Variants in CDH8 observed in about 807,000 individuals in gnomAD.
CDH8 encodes the protein cadherin 8, also known as cadherin-8.
Under a neutral mutation model 68.1 loss-of-function variants are expected in CDH8, and 17 were observed. That is an observed-to-expected ratio of 0.25 (90% CI 0.17 to 0.37). The LOEUF is 0.37. CDH8 is among the 10% of genes least tolerant of loss of function. CDH8 has a pLI of 1.00. For missense variants in CDH8, 763 were observed against 999.3 expected (o/e 0.76, Z 3.19); for synonymous variants, 372 against 365.1 (o/e 1.02, Z -0.21).
chr16:61,898,647 A>C (rs902428899), intron 3 of CDH8, among the ~76,000 whole-genome samples: 4 of 152,216 alleles, frequency 2.6e-5, no homozygotes, highest in African/African-American at 7.2e-5. Context: ...GATCATCAAT[A>C]ATCCAGTGAG....
chr16:61,802,870 G>A (rs1295147912), intron 7 of CDH8, among the ~76,000 whole-genome samples: 2 of 112,494 alleles, frequency 1.8e-5, no homozygotes, highest in African/African-American at 3.7e-5. Context: ...AGGGAGAATG[G>A]AACCAAGTTG....
chr16:61,877,614 A>G (rs2076407182), intron 3 of CDH8, among the ~76,000 whole-genome samples: 1 of 152,188 alleles, frequency 6.6e-6, no homozygotes, highest in Non-Finnish European at 1.5e-5. Context: ...GACTCTACAC[A>G]TTTATCTCTT....
At chr16:61,782,817 C>G (rs573609830) in intron 8 of CDH8, among the ~76,000 whole-genome samples, 10 of 152,248 alleles carry the variant, frequency 6.6e-5, no homozygotes, top group African/African-American at 9.6e-5. Context: ...AGGCACCCCC[C>G]AGCAGGGGCA....
At position 61,901,522 on chromosome 16, in the gene CDH8, A is replaced by AT. The variant is rs749394061; in HGVS notation, c.253-50dup. ...TAGTGATGGAGCAATCTGAAAAGTT[A>AT]TTTTTTTAACTACCTCCTTTTTGAA... On this transcript the variant is annotated intron_variant, in intron 2 of 11. Coordinates refer to ENST00000577390, the MANE Select transcript of CDH8 (RefSeq NM_001796.5). 3.0e-5 allele frequency: 42 copies of AT among 1,391,632 alleles called. No individual in the cohort carries two copies. The African/African-American group carries it at 5.5e-4, about 18-fold the overall frequency. 86.2% of individuals were successfully genotyped at this position (1,391,632 alleles called of 1,614,324 possible). A position where few individuals can be genotyped will look rare whatever the true frequency, so the allele number is the denominator to read the frequency against.
chr16:61,687,114 T>C (rs1964125040), intron 10 of CDH8, among the ~76,000 whole-genome samples: 1 of 151,998 alleles, frequency 6.6e-6, no homozygotes, highest in Non-Finnish European at 1.5e-5. Flanking sequence ...AATGAACCAT[T>C]GAACAGTATG....
At chr16:61,682,102 A>T (rs1461561854) in intron 10 of CDH8, among the ~76,000 whole-genome samples, 7 of 151,928 alleles carry the variant, frequency 4.6e-5, no homozygotes. Flanking sequence ...ACAAAAAAAG[A>T]TAATATTCAA....
intron 8 of CDH8, among the ~76,000 whole-genome samples, chr16:61,747,989 A>T (rs1596927880): frequency 6.6e-6 from 1 of 152,018 alleles, no homozygotes; most frequent in Non-Finnish European, 1.5e-5. Flanking sequence ...AACCAGTTTG[A>T]TGTAGATTTT....
intron 3 of CDH8, among the ~76,000 whole-genome samples, chr16:61,861,058 A>G (rs1335738151): frequency 6.6e-6 from 1 of 152,218 alleles, no homozygotes; most frequent in African/African-American, 2.4e-5. Flanking sequence ...GTAGGTACCT[A>G]TCACAGAAAT....
At chr16:62,010,955 A>C (rs138368948) in intron 2 of CDH8, among the ~76,000 whole-genome samples, 1 of 151,158 alleles carries the variant, frequency 6.6e-6, no homozygotes, top group African/African-American at 2.4e-5. Context: ...AAAAAAAAAA[A>C]CAAACCCTCT....
At chr16:61,770,189 TG>T (rs766173935) in intron 8 of CDH8, among the ~76,000 whole-genome samples, 2 of 151,952 alleles carry the variant, frequency 1.3e-5, no homozygotes, top group Non-Finnish European at 2.9e-5. Flanking sequence ...AAACAAGAAA[TG>T]TAAGTACACA....
intron 2 of CDH8, among the ~76,000 whole-genome samples, chr16:61,957,564 A>C (rs1452913363): frequency 2.0e-5 from 3 of 152,150 alleles, no homozygotes; most frequent in South Asian, 4.1e-4. Context: ...AGACCAACTA[A>C]AATATATATA....
chr16:61,669,533 T>C (rs565686073), intron 10 of CDH8, among the ~76,000 whole-genome samples: 25 of 152,112 alleles, frequency 1.6e-4, no homozygotes, highest in Non-Finnish European at 3.2e-4. Context: ...AAGGAACAGA[T>C]AGATAGTTCG....
At chr16:61,678,703 T>A (rs544518491) in intron 10 of CDH8, among the ~76,000 whole-genome samples, 1 of 151,978 alleles carries the variant, frequency 6.6e-6, no homozygotes, top group Non-Finnish European at 1.5e-5. Flanking sequence ...GTAACAAAAA[T>A]AGCATGATAC....
intron 2 of CDH8, among the ~76,000 whole-genome samples, chr16:61,999,375 A>G (rs1258880533): frequency 1.3e-5 from 2 of 152,180 alleles, no homozygotes; most frequent in Admixed American, 1.3e-4. Flanking sequence ...AGGAAGATTG[A>G]GATTTAGAGG....
At chr16:61,846,001 A>T (rs1289936723) in intron 4 of CDH8, among the ~76,000 whole-genome samples, 2 of 152,082 alleles carry the variant, frequency 1.3e-5, no homozygotes, top group South Asian at 4.1e-4. Flanking sequence ...ACTCAAAATT[A>T]CTTTTAAATT....
chr16:61,673,560 TG>T (rs1567414651), intron 10 of CDH8, among the ~76,000 whole-genome samples: 1 of 152,192 alleles, frequency 6.6e-6, no homozygotes, highest in Non-Finnish European at 1.5e-5. Context: ...TTGTACTTAA[TG>T]TTTTATTCAA....
At chr16:61,996,993 T>TTGTG (rs5817332) in intron 2 of CDH8, among the ~76,000 whole-genome samples, 90,830 of 150,872 alleles carry the variant, frequency 0.6, 27,657 homozygotes, top group East Asian at 0.76. Flanking sequence ...CCACAGAATA[T>TTGTG]TGTGTGTATG....
intron 8 of CDH8, among the ~76,000 whole-genome samples, chr16:61,761,773 TG>T (rs1960476948): frequency 6.6e-6 from 1 of 151,964 alleles, no homozygotes; most frequent in Admixed American, 6.6e-5. Flanking sequence ...GAGGCCGAGG[TG>T]GGTGGATCAC....
intron 8 of CDH8, among the ~76,000 whole-genome samples, chr16:61,776,138 G>A (rs182685216): frequency 1.1e-4 from 17 of 152,202 alleles, no homozygotes; most frequent in African/African-American, 4.1e-4. Flanking sequence ...GCAGGGGGAT[G>A]AAAGAGAAAA....
Sources: allele counts gnomAD v4.1 joint callset (sites outside exome capture counted in the v4.1 genomes callset), GRCh38; gene constraint gnomAD v4.1.1; transcripts MANE v1.5; gene names NCBI Gene and HGNC (gene_info 2026-07-23, HGNC 2026-07-21).